CEP63: variants seen among roughly 807,000 people sequenced by gnomAD.
CEP63 encodes centrosomal protein of 63 kDa.
A neutral mutation model predicts 89.1 loss-of-function variants in CEP63; 84 were observed. The observed-to-expected ratio is 0.94, with a 90% CI of 0.79 to 1.13. The LOEUF is 1.13. Among genes scored for constraint, CEP63 ranks in the 50% most tolerant of loss-of-function variants. CEP63 has a pLI of 0.00. For missense variants in CEP63, 838 were observed against 813.3 expected, an observed-to-expected ratio of 1.03 and a Z score of -0.37; for synonymous variants, 267 against 272.5, an observed-to-expected ratio of 0.98 and a Z score of 0.20.
chr3:134,636,747 T>G, the CEP63 span, among the ~76,000 whole-genome samples: 3 of 152,232 alleles, frequency 2.0e-5, no homozygotes, highest in Non-Finnish European at 4.4e-5. Flanking sequence ...AATGCAAAAA[T>G]AGATCACATA....
chr3:134,505,741 T>TC (rs1472885521), intron 2 of CEP63, among the ~76,000 whole-genome samples: 1 of 152,128 alleles, frequency 6.6e-6, no homozygotes, highest in Non-Finnish European at 1.5e-5. Flanking sequence ...GCTAGGCTGA[T>TC]CACCAGTGCC....
intron 12 of CEP63, among the ~76,000 whole-genome samples, 154 bp from the exon 13 acceptor site, chr3:134,557,988 C>T (rs934781037): frequency 1.3e-5 from 2 of 152,152 alleles, no homozygotes; most frequent in Admixed American, 6.5e-5. Context: ...AATTCTTTAT[C>T]TCTGTTAGTC....
At chr3:134,583,902 T>C (rs757633546) in intron 10 of CEP63, among the ~76,000 whole-genome samples, 1 of 152,158 alleles carries the variant, frequency 6.6e-6, no homozygotes, top group Non-Finnish European at 1.5e-5. Context: ...TCACATCCCT[T>C]GTAAGTTGGA....
Position 134,486,162 on chromosome 3 carries a change from G to GT in CEP63, c.-65dup, listed in dbSNP as rs1338191801. The GT allele has an allele frequency of 4.1e-6, 4 of 985,466 alleles. No homozygotes were observed. The highest frequency in any genetic ancestry group is 1.7e-5 in the African/African-American group (1 of 57,258). 61.0% of individuals were successfully genotyped at this position (985,466 alleles called of 1,614,324 possible). ...AACGCGCCGACTACAGAGGCTGGAC[G>GT]TAAGCTTAGCGGTGGCGCGCGTGCG... On this transcript the variant is annotated 5_prime_UTR_variant, in exon 1 of 15. Transcript: ENST00000675561.
downstream of CEP63, among the ~76,000 whole-genome samples, chr3:134,577,453 T>C (rs866710350): frequency 6.9e-5 from 10 of 145,978 alleles, no homozygotes; most frequent in Admixed American, 6.2e-4. Context: ...TTTTTTTTTT[T>C]TGAGATGGAG....
the CEP63 span, among the ~76,000 whole-genome samples, chr3:134,740,516 C>A: frequency 6.6e-6 from 1 of 152,058 alleles, no homozygotes; most frequent in African/African-American, 2.4e-5. Context: ...CCAGGATGGT[C>A]TCGATCTCCT....
At chr3:134,695,706 C>T in the CEP63 span, among the ~76,000 whole-genome samples, 1 of 152,224 alleles carries the variant, frequency 6.6e-6, no homozygotes, top group Non-Finnish European at 1.5e-5. Flanking sequence ...TTCTGTAACT[C>T]ACCTGCGCCT....
chr3:134,626,872 C>G, the CEP63 span, among the ~76,000 whole-genome samples: 2 of 152,204 alleles, frequency 1.3e-5, no homozygotes, highest in African/African-American at 4.8e-5. Context: ...CCTGCTGAGC[C>G]TTGCCTCTTT....
chr3:134,628,452 A>C, the CEP63 span, among the ~76,000 whole-genome samples: 1 of 152,190 alleles, frequency 6.6e-6, no homozygotes, highest in Non-Finnish European at 1.5e-5. Flanking sequence ...GGGGAGTTGA[A>C]GGTGGGGATG....
Position 134,495,461 on chromosome 3 carries a change from A to T in CEP63, c.44+97A>T, listed in dbSNP as rs374767927. 4 of 803,166 alleles carry T rather than the reference A, an allele frequency of 5.0e-6. No individual in the cohort carries two copies. The African/African-American group carries it at 6.9e-5, about 14-fold the overall frequency. 49.8% of individuals were successfully genotyped at this position (803,166 alleles called of 1,614,324 possible). ...ACTTTGATACATACATATAATGTGT[A>T]ATGATCAAATAAGGGTATTTAGTAT... On this transcript the variant is annotated intron_variant, in intron 2 of 14. Coordinates refer to ENST00000675561, the MANE Select transcript of CEP63 (RefSeq NM_001353108.3).
chr3:134,533,638 G>A (rs1950248387), intron 5 of CEP63, among the ~76,000 whole-genome samples: 1 of 152,206 alleles, frequency 6.6e-6, no homozygotes, highest in Non-Finnish European at 1.5e-5. Context: ...CTTGCCATTA[G>A]TTCTTCACTG....
chr3:134,653,382 G>A, the CEP63 span, among the ~76,000 whole-genome samples: 1 of 152,212 alleles, frequency 6.6e-6, no homozygotes, highest in Non-Finnish European at 1.5e-5. Context: ...GAGTCACCTC[G>A]ACTGCTCTGG....
chr3:134,506,872 C>G (rs955529432), intron 2 of CEP63, among the ~76,000 whole-genome samples: 30 of 137,574 alleles, frequency 2.2e-4, no homozygotes, highest in Admixed American at 5.6e-4. Flanking sequence ...GAGCCATGAT[C>G]ATGCCACTGC....
chr3:134,586,796 G>C (rs190792433), intron 10 of CEP63, among the ~76,000 whole-genome samples: 2 of 152,146 alleles, frequency 1.3e-5, no homozygotes, highest in African/African-American at 4.8e-5. Flanking sequence ...TTTCGAACTT[G>C]GTTCCATTCT....
chr3:134,618,815 T>C, the CEP63 span, among the ~76,000 whole-genome samples: 34 of 152,320 alleles, frequency 2.2e-4, no homozygotes, highest in African/African-American at 8.2e-4. Context: ...GCATCTGCAG[T>C]CACTGTCCTC....
chr3:134,620,663 A>C, the CEP63 span: 23 of 854,102 alleles, frequency 2.7e-5, no homozygotes, highest in Non-Finnish European at 3.5e-5. Context: ...GTCACTCTGC[A>C]CACGTGAATA....
chr3:134,572,249 A>G (rs116422926), intron 11 of CEP63, among the ~76,000 whole-genome samples: 1 of 152,182 alleles, frequency 6.6e-6, no homozygotes, highest in African/African-American at 2.4e-5. Context: ...GTCTTTTTTT[A>G]AAAAATAATT....
the CEP63 span, among the ~76,000 whole-genome samples, chr3:134,700,846 G>A: frequency 6.6e-6 from 1 of 152,166 alleles, no homozygotes; most frequent in African/African-American, 2.4e-5. Flanking sequence ...TTACAGGTTT[G>A]CAGCAGAAAC....
intron 3 of CEP63, among the ~76,000 whole-genome samples, chr3:134,512,635 A>C (rs1304434022): frequency 6.6e-6 from 1 of 151,898 alleles, no homozygotes; most frequent in Non-Finnish European, 1.5e-5. Context: ...CAAGCCTTTA[A>C]CTCTTTCTTT....
Sources: gnomAD v4.1 joint callset for allele counts (sites outside exome capture counted in the v4.1 genomes callset) on GRCh38, gnomAD v4.1.1 for gene constraint, MANE v1.5 for transcripts, NCBI Gene and HGNC (gene_info 2026-07-23, HGNC 2026-07-21) for gene names.